Variants in XPR1 observed in about 807,000 individuals in gnomAD.
The protein encoded by XPR1 is solute carrier family 53 member 1.
In XPR1, 28 loss-of-function variants were observed where a neutral mutation model predicts 87.5. The ratio of observed to expected loss-of-function variants is 0.32; its 90% CI spans 0.24 to 0.44. The LOEUF (loss-of-function observed/expected upper bound fraction) is 0.44. Ranked by LOEUF, XPR1 falls within the 20% of genes least tolerant of loss-of-function variation. XPR1 has a pLI of 1.00. For synonymous variants in XPR1, 300 were observed against 306.1 expected, an observed-to-expected ratio of 0.98 and a Z score of 0.21; for missense variants, 559 against 862.3, an observed-to-expected ratio of 0.65 and a Z score of 4.41.
intron 1 of XPR1, among the ~76,000 whole-genome samples, chr1:180,672,003 G>T (rs185427514): frequency 7.4e-4 from 113 of 152,262 alleles, no homozygotes; most frequent in African/African-American, 2.2e-3. Context: ...AGAAGAAAAT[G>T]AATTGAATTT....
intron 2 of XPR1, among the ~76,000 whole-genome samples, chr1:180,731,850 T>C (rs1283177647): frequency 6.6e-6 from 1 of 152,208 alleles, no homozygotes; most frequent in African/African-American, 2.4e-5. Flanking sequence ...GCTGTTGTAT[T>C]GGACAGCACA....
chr1:180,791,675 A>G lies in XPR1; in HGVS notation c.223+3821A>G, dbSNP rs193200789. Among the ~76,000 whole-genome samples, 8 of 152,336 alleles carry G rather than the reference A, an allele frequency of 5.3e-5. No individual in the cohort carries two copies. The East Asian group carries it at 1.3e-3, about 26-fold the overall frequency. ...TATGCATCTATATGTGTGTGACTAC[A>G]CAATATATTTAAATAATTTAAGATA... On this transcript the variant is annotated intron_variant, in intron 3 of 14. Coordinates refer to ENST00000367590, the MANE Select transcript of XPR1 (RefSeq NM_004736.4).
intron 2 of XPR1, among the ~76,000 whole-genome samples, chr1:180,706,006 C>G (rs749805944): frequency 6.6e-6 from 1 of 152,070 alleles, no homozygotes; most frequent in Admixed American, 6.6e-5. Flanking sequence ...AGCAACAAGA[C>G]GAAACCAAAA....
chr1:180,821,590 T>C (rs1267108917), intron 7 of XPR1, among the ~76,000 whole-genome samples: 3 of 152,212 alleles, frequency 2.0e-5, no homozygotes, highest in African/African-American at 4.8e-5. Flanking sequence ...AAAAAAGCCA[T>C]TGGAATTTTG....
intron 1 of XPR1, among the ~76,000 whole-genome samples, chr1:180,647,202 A>C (rs556695215): frequency 6.6e-6 from 1 of 152,248 alleles, no homozygotes; most frequent in East Asian, 1.9e-4. Context: ...AGCTCTGGCC[A>C]TAATGTGAGC....
At chr1:180,655,997 C>T (rs578055512) in intron 1 of XPR1, among the ~76,000 whole-genome samples, 2 of 151,914 alleles carry the variant, frequency 1.3e-5, no homozygotes, top group East Asian at 3.9e-4. Context: ...TTAAAATGTA[C>T]AATGAAATTA....
chr1:180,817,236 T>G (rs1650440971), intron 7 of XPR1, among the ~76,000 whole-genome samples: 1 of 152,192 alleles, frequency 6.6e-6, no homozygotes, highest in African/African-American at 2.4e-5. Context: ...GGTTTAAAAA[T>G]TTTTTAAGTT....
intron 2 of XPR1, among the ~76,000 whole-genome samples, chr1:180,728,301 G>C (rs977982357): frequency 5.5e-5 from 8 of 146,666 alleles, no homozygotes; most frequent in East Asian, 2.1e-4. Flanking sequence ...TATAACTGGG[G>C]GGGGGGGTAG....
At chr1:180,737,918 A>G (rs1557982464) in intron 2 of XPR1, among the ~76,000 whole-genome samples, 3 of 152,198 alleles carry the variant, frequency 2.0e-5, no homozygotes, top group Non-Finnish European at 4.4e-5. Flanking sequence ...ATATTTGTGT[A>G]CAGGTTTTTG....
At chr1:180,754,929 T>G (rs1251376858) in intron 2 of XPR1, among the ~76,000 whole-genome samples, 2 of 152,052 alleles carry the variant, frequency 1.3e-5, no homozygotes, top group African/African-American at 4.8e-5. Context: ...GAGGATAATA[T>G]CTGCATGGGT....
intron 2 of XPR1, among the ~76,000 whole-genome samples, chr1:180,708,123 T>C (rs1280128893): frequency 6.6e-6 from 1 of 152,166 alleles, no homozygotes; most frequent in East Asian, 1.9e-4. Flanking sequence ...CGTGATACTG[T>C]TTTTAGATTA....
intron 2 of XPR1, among the ~76,000 whole-genome samples, chr1:180,710,475 C>T (rs555214164): frequency 1.3e-5 from 2 of 152,118 alleles, no homozygotes; most frequent in African/African-American, 4.8e-5. Flanking sequence ...CCCTTTAACC[C>T]TGAGTGGACA....
intron 11 of XPR1, among the ~76,000 whole-genome samples, chr1:180,853,315 T>TA (rs1651926408): frequency 6.6e-6 from 1 of 152,228 alleles, no homozygotes; most frequent in South Asian, 2.1e-4. Flanking sequence ...TTGCCAGTTC[T>TA]TTCCTCTGTC....
intron 2 of XPR1, among the ~76,000 whole-genome samples, chr1:180,761,268 A>G (rs1488709553): frequency 6.6e-6 from 1 of 152,174 alleles, no homozygotes; most frequent in African/African-American, 2.4e-5. Flanking sequence ...AAATTGACAA[A>G]TGGGATCGAA....
At chr1:180,633,450 A>G (rs988900211) in intron 1 of XPR1, among the ~76,000 whole-genome samples, 20 of 152,214 alleles carry the variant, frequency 1.3e-4, no homozygotes, top group Non-Finnish European at 2.5e-4. Flanking sequence ...ATTTTTATAT[A>G]AGTTTAGTGA....
At chr1:180,808,701 A>G (rs932108129) in intron 6 of XPR1, among the ~76,000 whole-genome samples, 2 of 152,210 alleles carry the variant, frequency 1.3e-5, no homozygotes, top group South Asian at 2.1e-4. Flanking sequence ...AAAATGCTCA[A>G]TATCATTAGG....
chr1:180,786,532 G>A (rs1649146980), intron 2 of XPR1, among the ~76,000 whole-genome samples: 4 of 152,046 alleles, frequency 2.6e-5, no homozygotes, highest in Non-Finnish European at 5.9e-5. Flanking sequence ...GATCTCACTT[G>A]GCCGAGAAAC....
intron 2 of XPR1, among the ~76,000 whole-genome samples, chr1:180,766,078 C>T (rs956406520): frequency 6.6e-6 from 1 of 151,706 alleles, no homozygotes; most frequent in African/African-American, 2.4e-5. Flanking sequence ...TTTTCTTTTC[C>T]TGGTCCACTA....
intron 11 of XPR1, among the ~76,000 whole-genome samples, chr1:180,857,088 A>G (rs756564728): frequency 1.1e-4 from 16 of 152,238 alleles, no homozygotes; most frequent in Admixed American, 6.5e-5. Context: ...CATAAAATAT[A>G]TTATTAATTT....
Sources: gnomAD v4.1 joint callset for allele counts (sites outside exome capture counted in the v4.1 genomes callset) on GRCh38, gnomAD v4.1.1 for gene constraint, MANE v1.5 for transcripts, NCBI Gene and HGNC (gene_info 2026-07-23, HGNC 2026-07-21) for gene names.